Variants in ZNG1E observed in about 807,000 individuals in gnomAD.
ZNG1E encodes Zn regulated GTPase metalloprotein activator 1E.
the ZNG1E span, among the ~76,000 whole-genome samples, chr9:65,684,562 A>ACG: frequency 2.2e-4 from 31 of 142,220 alleles, 1 homozygote; most frequent in Non-Finnish European, 4.0e-4. Context: ...ACACACACAC[A>ACG]CACACACATT....
At chr9:65,691,375 C>A in the ZNG1E span, among the ~76,000 whole-genome samples, 2 of 151,286 alleles carry the variant, frequency 1.3e-5, no homozygotes, top group Non-Finnish European at 2.9e-5. Flanking sequence ...AGCCACCACA[C>A]CCTGCCTCTT....
chr9:65,666,197 C>A, the ZNG1E span, among the ~76,000 whole-genome samples: 1 of 150,518 alleles, frequency 6.6e-6, no homozygotes, highest in Non-Finnish European at 1.5e-5. Flanking sequence ...GTGTCCCCAC[C>A]CAAATCTTAT....
the ZNG1E span, among the ~76,000 whole-genome samples, chr9:65,693,102 G>T: frequency 3.3e-5 from 5 of 152,210 alleles, no homozygotes. Context: ...TGCACATCGT[G>T]AGCATGTACC....
chr9:65,709,456 C>G, the ZNG1E span, among the ~76,000 whole-genome samples: 3 of 134,684 alleles, frequency 2.2e-5, no homozygotes, highest in African/African-American at 3.0e-5. Context: ...CACCCACTAA[C>G]TCGTCATCTA....
the ZNG1E span, among the ~76,000 whole-genome samples, chr9:65,684,927 G>A: frequency 1.3e-5 from 2 of 152,158 alleles, no homozygotes. Context: ...TGATGTGACA[G>A]GCCTGTAGTC....
chr9:65,687,265 T>C, the ZNG1E span, among the ~76,000 whole-genome samples: 1 of 142,068 alleles, frequency 7.0e-6, no homozygotes, highest in Admixed American at 7.4e-5. Context: ...ATAATTCTTT[T>C]AGTTCTATGT....
the ZNG1E span, among the ~76,000 whole-genome samples, chr9:65,687,680 A>G: frequency 1.3e-5 from 2 of 150,824 alleles, no homozygotes; most frequent in Non-Finnish European, 3.0e-5. Context: ...TTCCTGAAAA[A>G]TAACTTGTTT....
chr9:65,661,799 A>G, the ZNG1E span, among the ~76,000 whole-genome samples: 19 of 152,230 alleles, frequency 1.2e-4, no homozygotes, highest in Admixed American at 1.2e-3. Flanking sequence ...ATTTTTTGGG[A>G]TGGTGAAAGT....
the ZNG1E span, among the ~76,000 whole-genome samples, chr9:65,657,717 T>C: frequency 2.0e-5 from 3 of 152,376 alleles, no homozygotes; most frequent in Middle Eastern, 3.4e-3. Flanking sequence ...AAGAGTATAA[T>C]TGGCATGTTA....
the ZNG1E span, among the ~76,000 whole-genome samples, chr9:65,678,169 C>T: frequency 6.7e-6 from 1 of 150,050 alleles, no homozygotes; most frequent in African/African-American, 2.5e-5. Flanking sequence ...TTACATTCAC[C>T]CTTTCCTTTC....
chr9:65,727,250 T>C, the ZNG1E span, among the ~76,000 whole-genome samples: 2 of 146,796 alleles, frequency 1.4e-5, no homozygotes, highest in African/African-American at 5.2e-5. Flanking sequence ...TTGAAACAAA[T>C]CCTGGAAACA....
At chr9:65,690,718 T>G in the ZNG1E span, 1 of 544,530 alleles carries the variant, frequency 1.8e-6, no homozygotes, top group African/African-American at 1.9e-5. Context: ...TGTTTATATG[T>G]GGTTAGAATT....
At chr9:65,732,783 A>G in the ZNG1E span, 1 of 1,283,638 alleles carries the variant, frequency 7.8e-7, no homozygotes, top group Non-Finnish European at 1.0e-6. Flanking sequence ...TCAAAAAAAA[A>G]ACAATACACA....
the ZNG1E span, among the ~76,000 whole-genome samples, chr9:65,685,349 C>G: frequency 6.6e-6 from 1 of 152,236 alleles, no homozygotes; most frequent in Non-Finnish European, 1.5e-5. Flanking sequence ...TAAAAGATGT[C>G]TCTATAGCAC....
the ZNG1E span, among the ~76,000 whole-genome samples, chr9:65,660,322 C>T: frequency 3.2e-5 from 4 of 126,414 alleles, no homozygotes; most frequent in East Asian, 6.7e-4. Context: ...TGGTATTATG[C>T]AACCAAAACT....
At chr9:65,668,482 A>G in the ZNG1E span, among the ~76,000 whole-genome samples, 1 of 150,766 alleles carries the variant, frequency 6.6e-6, no homozygotes. Context: ...TAATTTATAT[A>G]TAAATACTAT....
the ZNG1E span, among the ~76,000 whole-genome samples, chr9:65,672,186 T>A: frequency 6.6e-6 from 1 of 150,694 alleles, no homozygotes; most frequent in East Asian, 1.9e-4. Context: ...AGTATTTACC[T>A]TGGAGAGTTA....
At chr9:65,680,764 A>G in the ZNG1E span, among the ~76,000 whole-genome samples, 1 of 152,260 alleles carries the variant, frequency 6.6e-6, no homozygotes. Flanking sequence ...TATTGCTAGG[A>G]AAATATGTGA....
At chr9:65,663,086 C>T in the ZNG1E span, among the ~76,000 whole-genome samples, 6 of 152,210 alleles carry the variant, frequency 3.9e-5, no homozygotes, top group African/African-American at 1.4e-4. Flanking sequence ...CTGTGAACCC[C>T]CTTTTGCTGT....
Sources: allele counts gnomAD v4.1 joint callset (sites outside exome capture counted in the v4.1 genomes callset), GRCh38; gene constraint gnomAD v4.1.1; transcripts MANE v1.5; gene names NCBI Gene and HGNC (gene_info 2026-07-23, HGNC 2026-07-21).